WIPF3: variants seen among roughly 807,000 people sequenced by gnomAD.
WIPF3 encodes WAS/WASL interacting protein family member 3, also known as WAS/WASL-interacting protein family member 3.
In WIPF3, 33 loss-of-function variants were observed where a neutral mutation model predicts 38.9. The observed-to-expected ratio is 0.85, with a 90% CI of 0.64 to 1.14. The LOEUF (loss-of-function observed/expected upper bound fraction) is 1.14. Ranked by LOEUF, WIPF3 falls within the 50% of genes most tolerant of loss-of-function variation. WIPF3 has a pLI of 0.00. For synonymous variants in WIPF3, 324 were observed against 269.3 expected, an observed-to-expected ratio of 1.20 and a Z score of -1.99; for missense variants, 711 against 652.5, an observed-to-expected ratio of 1.09 and a Z score of -0.98.
At chr7:29,830,687 G>A (rs1289029053) in intron 1 of WIPF3, among the ~76,000 whole-genome samples, 1 of 151,838 alleles carries the variant, frequency 6.6e-6, no homozygotes, top group Non-Finnish European at 1.5e-5. Context: ...TTTAAACTCA[G>A]CTCTGATGAT....
At chr7:29,860,787 C>T (rs551046247) in intron 2 of WIPF3, among the ~76,000 whole-genome samples, 1 of 152,056 alleles carries the variant, frequency 6.6e-6, no homozygotes, top group Non-Finnish European at 1.5e-5. Context: ...TTTGGAGGCA[C>T]GGTTGATAGG....
intron 1 of WIPF3, among the ~76,000 whole-genome samples, chr7:29,834,379 A>G (rs1276016523): frequency 1.3e-5 from 2 of 152,152 alleles, no homozygotes; most frequent in African/African-American, 4.8e-5. Flanking sequence ...TGCTATATAT[A>G]TATACATATA....
chr7:29,892,234 AG>A (rs1786038521), intron 7 of WIPF3, among the ~76,000 whole-genome samples: 1 of 152,306 alleles, frequency 6.6e-6, no homozygotes, highest in African/African-American at 2.4e-5. Context: ...GGCCCCCTAC[AG>A]TCACAGAGTG....
intron 2 of WIPF3, among the ~76,000 whole-genome samples, chr7:29,868,191 G>A (rs988556667): frequency 2.0e-5 from 3 of 152,188 alleles, no homozygotes; most frequent in African/African-American, 7.2e-5. Flanking sequence ...GGAGATGAAA[G>A]GTTTGGCAGA....
chr7:29,818,273 T>TGAAA (rs996457015), intron 1 of WIPF3, among the ~76,000 whole-genome samples: 1 of 151,904 alleles, frequency 6.6e-6, no homozygotes, highest in Non-Finnish European at 1.5e-5. Flanking sequence ...GTCAACATGG[T>TGAAA]GAAACCCCCA....
intron 2 of WIPF3, among the ~76,000 whole-genome samples, chr7:29,870,687 G>A (rs184636537): frequency 6.6e-6 from 1 of 151,762 alleles, no homozygotes; most frequent in African/African-American, 2.4e-5. Flanking sequence ...GGAAGCAAAG[G>A]GGCACAGGGT....
intron 6 of WIPF3, among the ~76,000 whole-genome samples, chr7:29,889,054 G>A (rs912416251): frequency 1.3e-5 from 2 of 152,182 alleles, no homozygotes; most frequent in African/African-American, 4.8e-5. Flanking sequence ...ATTGGTTGAA[G>A]TAAGTTCAGG....
At chr7:29,832,939 A>G (rs1258989350) in intron 1 of WIPF3, among the ~76,000 whole-genome samples, 14 of 152,260 alleles carry the variant, frequency 9.2e-5, no homozygotes, top group African/African-American at 2.9e-4. Flanking sequence ...GCACTCATCA[A>G]TAGATGAATG....
intron 1 of WIPF3, among the ~76,000 whole-genome samples, chr7:29,815,164 C>T (rs1258578076): frequency 2.0e-5 from 3 of 152,010 alleles, no homozygotes; most frequent in Non-Finnish European, 4.4e-5. Flanking sequence ...GGTAAGACAA[C>T]TACCTAGAAA....
intron 7 of WIPF3, among the ~76,000 whole-genome samples, chr7:29,891,280 C>T (rs1786015865): frequency 6.7e-6 from 1 of 150,244 alleles, no homozygotes; most frequent in African/African-American, 2.5e-5. Flanking sequence ...CGAGGGCCTG[C>T]CCTGTGCTCA....
intron 2 of WIPF3, among the ~76,000 whole-genome samples, chr7:29,835,987 G>C (rs576375648): frequency 6.6e-6 from 1 of 152,230 alleles, no homozygotes; most frequent in Non-Finnish European, 1.5e-5. Context: ...GAGTATGCCT[G>C]AGATGTCACC....
chr7:29,809,401 G>T (rs574136850), intron 1 of WIPF3, among the ~76,000 whole-genome samples: 2 of 152,330 alleles, frequency 1.3e-5, no homozygotes, highest in East Asian at 3.9e-4. Context: ...AGGCAAGTTT[G>T]CCTTGTCACA....
chr7:29,871,429 A>G (rs1056920017), intron 2 of WIPF3, among the ~76,000 whole-genome samples: 3 of 152,214 alleles, frequency 2.0e-5, no homozygotes, highest in Non-Finnish European at 4.4e-5. Context: ...GCCACATTGG[A>G]GAAGCTACTT....
At chr7:29,895,377 A>G (rs1786118994) in intron 7 of WIPF3, among the ~76,000 whole-genome samples, 2 of 151,328 alleles carry the variant, frequency 1.3e-5, no homozygotes, top group Non-Finnish European at 2.9e-5. Flanking sequence ...GAACTTGTAC[A>G]CAAATATTCA....
At chr7:29,811,468 A>G (rs567103755) in intron 1 of WIPF3, among the ~76,000 whole-genome samples, 2 of 152,344 alleles carry the variant, frequency 1.3e-5, no homozygotes, top group East Asian at 1.9e-4. Flanking sequence ...AGAATAGATC[A>G]TAAGTTGTGG....
chr7:29,883,761 G>A, intron 4 of WIPF3, 89 bp from the exon 5 acceptor site: 1 of 1,472,614 alleles, frequency 6.8e-7, no homozygotes, highest in Non-Finnish European at 9.0e-7. Context: ...CTCACTGCGG[G>A]CAGGCTTGAG....
chr7:29,895,328 G>T (rs1270083369), intron 7 of WIPF3, among the ~76,000 whole-genome samples: 2 of 152,066 alleles, frequency 1.3e-5, no homozygotes, highest in African/African-American at 2.4e-5. Flanking sequence ...CCACTCTTGG[G>T]TATAGGCTAA....
intron 2 of WIPF3, among the ~76,000 whole-genome samples, chr7:29,849,571 C>T (rs1785059029): frequency 6.6e-6 from 1 of 152,204 alleles, no homozygotes; most frequent in Non-Finnish European, 1.5e-5. Context: ...GTTCTCTAGT[C>T]TGACTAAATG....
intron 1 of WIPF3, among the ~76,000 whole-genome samples, chr7:29,812,310 G>A (rs978728494): frequency 1.3e-5 from 2 of 152,150 alleles, no homozygotes; most frequent in African/African-American, 4.8e-5. Flanking sequence ...TGGCTTACAT[G>A]GATTTGTTTA....
Sources: allele counts gnomAD v4.1 joint callset (sites outside exome capture counted in the v4.1 genomes callset), GRCh38; gene constraint gnomAD v4.1.1; transcripts MANE v1.5; gene names NCBI Gene and HGNC (gene_info 2026-07-23, HGNC 2026-07-21).